The following DSCAM variants were observed in gnomAD, a reference collection of about 807,000 sequenced individuals.
DSCAM encodes cell adhesion molecule DSCAM.
In DSCAM, 47 loss-of-function variants were observed where a neutral mutation model predicts 217.7. That is an observed-to-expected ratio of 0.22 (90% CI 0.17 to 0.28). The LOEUF is 0.28. Among genes scored for constraint, DSCAM ranks in the 10% least tolerant of loss-of-function variants. The pLI, the probability that DSCAM is intolerant of heterozygous loss-of-function variation, is 1.00. For missense variants in DSCAM, 2,080 were observed against 2,618.3 expected, an observed-to-expected ratio of 0.79 and a Z score of 4.49; for synonymous variants, 1,056 against 1,015.3, an observed-to-expected ratio of 1.04 and a Z score of -0.76.
intron 3 of DSCAM, among the ~76,000 whole-genome samples, chr21:40,490,096 G>C (rs561506346): frequency 6.6e-6 from 1 of 152,290 alleles, no homozygotes; most frequent in East Asian, 1.9e-4. Flanking sequence ...AGGCAAGAGA[G>C]TGCGTGTGCA....
At chr21:40,252,810 C>T (rs190864386) in intron 11 of DSCAM, among the ~76,000 whole-genome samples, 1 of 152,270 alleles carries the variant, frequency 6.6e-6, no homozygotes, top group East Asian at 1.9e-4. Flanking sequence ...TCAATCATTA[C>T]TCCAGTCCCC....
intron 1 of DSCAM, among the ~76,000 whole-genome samples, chr21:40,767,607 A>G (rs941914316): frequency 6.6e-6 from 1 of 152,198 alleles, no homozygotes; most frequent in African/African-American, 2.4e-5. Context: ...CTTCCTGCAA[A>G]GTATCAGCCT....
intron 8 of DSCAM, among the ~76,000 whole-genome samples, chr21:40,321,819 A>T (rs2123524072): frequency 6.6e-6 from 1 of 152,276 alleles, no homozygotes; most frequent in East Asian, 1.9e-4. Flanking sequence ...TGTGTCAGCC[A>T]TAGGGGCTCT....
intron 1 of DSCAM, among the ~76,000 whole-genome samples, chr21:40,843,368 ATGTGTGTGTGTGTGTGTGTGTGTG>A (rs36229663): frequency 1.4e-5 from 2 of 146,050 alleles, no homozygotes; most frequent in African/African-American, 2.5e-5. Context: ...GAATGCATGC[ATGTGTGTGTGTGTGTGTGTGTGTG>A]TGTGTGTGTG....
intron 15 of DSCAM, among the ~76,000 whole-genome samples, chr21:40,171,803 G>A (rs1433119403): frequency 6.6e-6 from 1 of 151,966 alleles, no homozygotes; most frequent in East Asian, 1.9e-4. Flanking sequence ...TAACTCCTGA[G>A]CTGTAATTTT....
chr21:40,835,062 T>G (rs2092046095), intron 1 of DSCAM, among the ~76,000 whole-genome samples: 1 of 152,202 alleles, frequency 6.6e-6, no homozygotes, highest in Non-Finnish European at 1.5e-5. Flanking sequence ...TCAACACTTA[T>G]TGCTGCAGGA....
At chr21:40,621,983 AAG>A (rs375455798) in intron 3 of DSCAM, among the ~76,000 whole-genome samples, 41 of 151,576 alleles carry the variant, frequency 2.7e-4, no homozygotes, top group African/African-American at 5.6e-4. Flanking sequence ...GAGGGGAAAA[AAG>A]AGAGAGAGAG....
chr21:40,428,833 T>TAC (rs35691309), intron 3 of DSCAM, among the ~76,000 whole-genome samples: 24,422 of 149,092 alleles, frequency 0.16, 2,751 homozygotes, highest in African/African-American at 0.3. Context: ...AGCGACCTAA[T>TAC]ACACACACAC....
chr21:40,453,780 G>A (rs1033017906), intron 3 of DSCAM, among the ~76,000 whole-genome samples: 2 of 152,204 alleles, frequency 1.3e-5, no homozygotes, highest in Non-Finnish European at 2.9e-5. Flanking sequence ...AACAGTCCCT[G>A]CCCTCCTGTA....
chr21:40,415,850 T>G (rs1007061287), intron 3 of DSCAM, among the ~76,000 whole-genome samples: 1 of 152,014 alleles, frequency 6.6e-6, no homozygotes, highest in East Asian at 1.9e-4. Flanking sequence ...CCCCCAACTC[T>G]CAGGACGGCA....
chr21:40,133,609 A>C (rs435083), intron 19 of DSCAM, among the ~76,000 whole-genome samples: 65,038 of 151,486 alleles, frequency 0.43, 14,783 homozygotes, highest in South Asian at 0.62. Flanking sequence ...GCCAAAAAAA[A>C]CAAAAAACAA....
chr21:40,604,546 T>G (rs1445875522), intron 3 of DSCAM, among the ~76,000 whole-genome samples: 1 of 152,218 alleles, frequency 6.6e-6, no homozygotes, highest in Non-Finnish European at 1.5e-5. Context: ...ATAATTAGAC[T>G]TTTAGCATGA....
At chr21:40,044,823 G>A (rs2088817533) in intron 30 of DSCAM, among the ~76,000 whole-genome samples, 1 of 152,178 alleles carries the variant, frequency 6.6e-6, no homozygotes, top group African/African-American at 2.4e-5. Flanking sequence ...AAACAAGGAA[G>A]CTCAGCCCAG....
intron 3 of DSCAM, among the ~76,000 whole-genome samples, chr21:40,470,495 C>G (rs1352361012): frequency 6.6e-6 from 1 of 152,220 alleles, no homozygotes; most frequent in African/African-American, 2.4e-5. Flanking sequence ...GCGCCTTCAA[C>G]TGAACAGCAT....
intron 8 of DSCAM, among the ~76,000 whole-genome samples, chr21:40,330,230 C>A (rs1484960648): frequency 6.8e-6 from 1 of 146,928 alleles, no homozygotes; most frequent in Non-Finnish European, 1.5e-5. Context: ...GTAATATATG[C>A]AATACATAAC....
intron 21 of DSCAM, among the ~76,000 whole-genome samples, chr21:40,087,782 T>C (rs1439647161): frequency 6.6e-6 from 1 of 152,202 alleles, no homozygotes; most frequent in Non-Finnish European, 1.5e-5. Context: ...AGGACACACA[T>C]TAAGGAGAAT....
intron 3 of DSCAM, among the ~76,000 whole-genome samples, chr21:40,528,361 T>A (rs1441092954): frequency 6.6e-6 from 1 of 152,218 alleles, no homozygotes; most frequent in East Asian, 1.9e-4. Flanking sequence ...ATATACTATA[T>A]TATACTCCAT....
At chr21:40,817,965 G>A (rs974530938) in intron 1 of DSCAM, among the ~76,000 whole-genome samples, 1 of 150,766 alleles carries the variant, frequency 6.6e-6, no homozygotes, top group Non-Finnish European at 1.5e-5. Flanking sequence ...GCGCGGTGGC[G>A]GGCGCCTGTA....
intron 11 of DSCAM, among the ~76,000 whole-genome samples, chr21:40,259,661 CTTTTTT>C (rs542106779): frequency 6.7e-5 from 4 of 59,518 alleles, no homozygotes; most frequent in East Asian, 4.5e-4. Flanking sequence ...GTCAGCCATT[CTTTTTT>C]TTTTTTTTTT....
Sources: allele counts gnomAD v4.1 joint callset (sites outside exome capture counted in the v4.1 genomes callset), GRCh38; gene constraint gnomAD v4.1.1; transcripts MANE v1.5; gene names NCBI Gene and HGNC (gene_info 2026-07-23, HGNC 2026-07-21).